Variants in CCSER1 observed in about 807,000 individuals in gnomAD.
CCSER1 encodes the protein serine-rich coiled-coil domain-containing protein 1.
A neutral mutation model predicts 82.0 loss-of-function variants in CCSER1; 41 were observed. The ratio of observed to expected loss-of-function variants is 0.50; its 90% CI spans 0.39 to 0.65. The LOEUF (loss-of-function observed/expected upper bound fraction) is 0.65. Among genes scored for constraint, CCSER1 ranks in the 30% least tolerant of loss-of-function variants. The probability of loss-of-function intolerance (pLI) is 0.00; values close to 1 mark genes in which losing one functional copy is unlikely to be tolerated. For synonymous variants in CCSER1, 414 were observed against 383.9 expected, an observed-to-expected ratio of 1.08 and a Z score of -0.92; for missense variants, 1,119 against 1,064.2, an observed-to-expected ratio of 1.05 and a Z score of -0.72.
At chr4:90,636,137 G>T (rs1725376949) in intron 6 of CCSER1, among the ~76,000 whole-genome samples, 1 of 151,860 alleles carries the variant, frequency 6.6e-6, no homozygotes, top group Non-Finnish European at 1.5e-5. Context: ...AAATCCTGCA[G>T]ACATCAACAT....
At chr4:90,832,943 T>A (rs749010033) in intron 8 of CCSER1, among the ~76,000 whole-genome samples, 3 of 152,206 alleles carry the variant, frequency 2.0e-5, no homozygotes, top group Non-Finnish European at 2.9e-5. Context: ...TTTATAGTCA[T>A]CTGTGAGAGA....
Position 90,884,270 on chromosome 4 carries a change from T to C in CCSER1, c.2095-39100T>C, listed in dbSNP as rs907578782. Among the ~76,000 whole-genome samples the C allele has an allele frequency of 2.0e-5, 3 of 152,154 alleles. No homozygotes were observed. The East Asian group carries it at 5.8e-4, about 29-fold the overall frequency. ...TGGCATATAGTACATTCTACAAAAG[T>C]ATTTATTTTAAAATTAAATAAAGCA... On this transcript the variant is annotated intron_variant, in intron 8 of 10. Coordinates refer to ENST00000509176, the MANE Select transcript of CCSER1 (RefSeq NM_001145065.2).
intron 4 of CCSER1, among the ~76,000 whole-genome samples, chr4:90,415,684 A>T (rs1755683122): frequency 6.6e-6 from 1 of 152,232 alleles, no homozygotes; most frequent in South Asian, 2.1e-4. Context: ...GTGTTTTGGA[A>T]TACTTAATCT....
Position 91,539,276 on chromosome 4 carries a change from T to C in CCSER1, c.2218-59296T>C, listed in dbSNP as rs376448836. Among the ~76,000 whole-genome samples, 23 of 152,218 alleles carry C rather than the reference T, an allele frequency of 1.5e-4. 1 individual carries two copies. The South Asian group carries it at 2.1e-3, about 14-fold the overall frequency. The stretch of plus-strand genomic sequence containing the variant: ...TAGCTTGTGTTTTCAGATTATCTTC[T>C]TATCAAAACCAAGATCTTTCTGAAA... On this transcript the variant is annotated intron_variant, in intron 10 of 10. Coordinates refer to ENST00000509176, the MANE Select transcript of CCSER1 (RefSeq NM_001145065.2).
At chr4:90,320,409 T>G (rs573395006) in intron 3 of CCSER1, among the ~76,000 whole-genome samples, 1 of 152,198 alleles carries the variant, frequency 6.6e-6, no homozygotes, top group Non-Finnish European at 1.5e-5. Flanking sequence ...TTTTTGACAC[T>G]AAATCCTTGA....
intron 10 of CCSER1, among the ~76,000 whole-genome samples, chr4:91,363,234 A>G (rs1749369698): frequency 6.6e-6 from 1 of 151,846 alleles, no homozygotes; most frequent in Non-Finnish European, 1.5e-5. Flanking sequence ...TTACAAGTCT[A>G]TAAAATCATT....
At chr4:90,213,393 C>T (rs751581679) in intron 1 of CCSER1, among the ~76,000 whole-genome samples, 4 of 152,104 alleles carry the variant, frequency 2.6e-5, no homozygotes, top group Non-Finnish European at 2.9e-5. Flanking sequence ...GTCTATTGGA[C>T]ATCTAAGTGA....
intron 5 of CCSER1, among the ~76,000 whole-genome samples, chr4:90,487,537 A>T (rs1767299293): frequency 6.6e-6 from 1 of 152,234 alleles, no homozygotes; most frequent in Admixed American, 6.5e-5. Context: ...TGTTCCCCTT[A>T]TGCATGGGTG....
chr4:91,065,244 AG>A (rs1296998150), intron 9 of CCSER1, among the ~76,000 whole-genome samples: 2 of 152,200 alleles, frequency 1.3e-5, no homozygotes, highest in African/African-American at 4.8e-5. Context: ...TCATCCTTAA[AG>A]ATTTCAATGA....
chr4:91,237,033 T>C (rs1400916769), intron 10 of CCSER1, among the ~76,000 whole-genome samples: 2 of 152,236 alleles, frequency 1.3e-5, no homozygotes, highest in Non-Finnish European at 2.9e-5. Flanking sequence ...CTAAACATAC[T>C]ATTCAATCTT....
chr4:91,340,446 A>G (rs1341697232), intron 10 of CCSER1, among the ~76,000 whole-genome samples: 1 of 152,196 alleles, frequency 6.6e-6, no homozygotes, highest in East Asian at 1.9e-4. Flanking sequence ...TGAAGAATGA[A>G]TAGAGGCTAG....
intron 1 of CCSER1, chr4:90,235,160 T>TG (rs1158978829): frequency 6.5e-6 from 1 of 152,706 alleles, no homozygotes; most frequent in East Asian, 1.9e-4. Flanking sequence ...TTAGTGCTGC[T>TG]GCCAACACTG....
At chr4:90,546,195 C>T (rs1776725299) in intron 5 of CCSER1, among the ~76,000 whole-genome samples, 1 of 152,198 alleles carries the variant, frequency 6.6e-6, no homozygotes, top group African/African-American at 2.4e-5. Context: ...TTACCTAATA[C>T]TTTTCTTCTA....
At chr4:90,566,379 C>A (rs571428914) in intron 5 of CCSER1, among the ~76,000 whole-genome samples, 61 of 151,016 alleles carry the variant, frequency 4.0e-4, no homozygotes, top group African/African-American at 1.3e-3. Context: ...TTTAATTATT[C>A]TTTAAATGTT....
At chr4:91,499,997 C>A (rs914290379) in intron 10 of CCSER1, among the ~76,000 whole-genome samples, 3 of 151,956 alleles carry the variant, frequency 2.0e-5, no homozygotes, top group African/African-American at 4.8e-5. Flanking sequence ...TCAATAAGTG[C>A]AATTCCTAAA....
chr4:90,730,034 T>A (rs989552925), intron 7 of CCSER1, among the ~76,000 whole-genome samples: 1 of 152,160 alleles, frequency 6.6e-6, no homozygotes, highest in Non-Finnish European at 1.5e-5. Context: ...TGAAGGAATA[T>A]TATTTAACCA....
chr4:90,387,707 C>G (rs1427779832), intron 3 of CCSER1, among the ~76,000 whole-genome samples: 2 of 152,156 alleles, frequency 1.3e-5, no homozygotes. Context: ...AGGCAAGCTT[C>G]CCTTTTTGGC....
At chr4:91,528,971 T>G (rs1760899714) in intron 10 of CCSER1, among the ~76,000 whole-genome samples, 1 of 152,138 alleles carries the variant, frequency 6.6e-6, no homozygotes, top group Non-Finnish European at 1.5e-5. Context: ...CAATCCAAAG[T>G]GCATTTTTTT....
chr4:90,345,833 T>G (rs1349697110), intron 3 of CCSER1, among the ~76,000 whole-genome samples: 2 of 152,102 alleles, frequency 1.3e-5, no homozygotes, highest in Non-Finnish European at 2.9e-5. Flanking sequence ...AACAGAAATC[T>G]TATGTAATCT....
Sources: gnomAD v4.1 joint callset for allele counts (sites outside exome capture counted in the v4.1 genomes callset) on GRCh38, gnomAD v4.1.1 for gene constraint, MANE v1.5 for transcripts, NCBI Gene and HGNC (gene_info 2026-07-23, HGNC 2026-07-21) for gene names.